The following ANKS1B variants were observed in gnomAD, a reference collection of about 807,000 sequenced individuals.
The protein encoded by ANKS1B is ankyrin repeat and sterile alpha motif domain containing 1B.
In ANKS1B, 36 loss-of-function variants were observed where a neutral mutation model predicts 148.3. The observed-to-expected ratio is 0.24, with a 90% CI of 0.19 to 0.32. ANKS1B has a LOEUF of 0.32. Ranked by LOEUF, ANKS1B falls within the 10% of genes least tolerant of loss-of-function variation. The pLI, the probability that ANKS1B is intolerant of heterozygous loss-of-function variation, is 1.00. For synonymous variants in ANKS1B, 542 were observed against 560.8 expected (o/e 0.97, Z 0.47); for missense variants, 1,157 against 1,542.6 (o/e 0.75, Z 4.19).
At chr12:99,724,558 T>A (rs1206473279) in intron 8 of ANKS1B, among the ~76,000 whole-genome samples, 1 of 151,722 alleles carries the variant, frequency 6.6e-6, no homozygotes. Context: ...ACAGAGAAAA[T>A]TGAACCAAGC....
At chr12:99,630,732 A>G (rs1362918129) in intron 9 of ANKS1B, among the ~76,000 whole-genome samples, 1 of 152,152 alleles carries the variant, frequency 6.6e-6, no homozygotes, top group Non-Finnish European at 1.5e-5. Flanking sequence ...CCTAGTGGGG[A>G]GTAACAGGAG....
At chr12:99,063,125 C>T (rs1250355376) in intron 16 of ANKS1B, among the ~76,000 whole-genome samples, 1 of 152,168 alleles carries the variant, frequency 6.6e-6, no homozygotes, top group Non-Finnish European at 1.5e-5. Context: ...CCTGATGTGC[C>T]AGGCTCAGCT....
At chr12:98,840,890 G>T (rs2153723488) in intron 17 of ANKS1B, among the ~76,000 whole-genome samples, 1 of 152,198 alleles carries the variant, frequency 6.6e-6, no homozygotes, top group African/African-American at 2.4e-5. Context: ...CCAATCATTG[G>T]GGTTATTGAA....
intron 9 of ANKS1B, among the ~76,000 whole-genome samples, chr12:99,555,227 T>C (rs975411116): frequency 5.9e-5 from 9 of 152,050 alleles, no homozygotes; most frequent in African/African-American, 9.7e-5. Context: ...CTGGGAGAAA[T>C]TGCCCAACTA....
chr12:99,853,767 A>C (rs537847514), intron 1 of ANKS1B, among the ~76,000 whole-genome samples: 1 of 152,336 alleles, frequency 6.6e-6, no homozygotes, highest in African/African-American at 2.4e-5. Context: ...TCAATTATTA[A>C]GGTAATTAAG....
Position 98,751,580 on chromosome 12 carries a change from A to G in ANKS1B, c.3580-58T>C, listed in dbSNP as rs2098091227. 1.3e-6 allele frequency: 2 copies of G among 1,549,708 alleles called. No individual in the cohort carries two copies. On this transcript the variant is annotated intron_variant, in intron 25 of 26. Coordinates refer to ENST00000683438, the MANE Select transcript of ANKS1B (RefSeq NM_001352186.2). This position sits in a 1 kb window ranked among gnomAD's most constrained non-coding sequence, Gnocchi z 4.3. The stretch of plus-strand genomic sequence containing the variant: ...GCACACTGCAAATTAGAATGGGTCG[A>G]ATGGCTGAGGAACACTGAGGGAGGT...
At chr12:99,071,415 C>T (rs565838923) in intron 16 of ANKS1B, among the ~76,000 whole-genome samples, 20 of 152,264 alleles carry the variant, frequency 1.3e-4, no homozygotes, top group East Asian at 9.7e-4. Flanking sequence ...TTCAAAATGG[C>T]GAATATGCTG....
At chr12:99,893,068 A>G (rs1240845217) in intron 1 of ANKS1B, among the ~76,000 whole-genome samples, 1 of 152,126 alleles carries the variant, frequency 6.6e-6, no homozygotes, top group African/African-American at 2.4e-5. Context: ...CTTCTGAGTC[A>G]TTAATTGGTA....
At chr12:99,472,811 G>C (rs1047221900) in intron 10 of ANKS1B, among the ~76,000 whole-genome samples, 1 of 152,018 alleles carries the variant, frequency 6.6e-6, no homozygotes, top group African/African-American at 2.4e-5. Context: ...CTTAAAATAA[G>C]ATATATATTT....
intron 10 of ANKS1B, among the ~76,000 whole-genome samples, chr12:99,447,891 C>G (rs927061000): frequency 1.6e-4 from 25 of 152,086 alleles, no homozygotes; most frequent in African/African-American, 6.0e-4. Flanking sequence ...CAAATCAGAA[C>G]TACAATGAAA....
chr12:99,439,649 A>C (rs950452396), intron 11 of ANKS1B, among the ~76,000 whole-genome samples: 1 of 151,708 alleles, frequency 6.6e-6, no homozygotes, highest in Non-Finnish European at 1.5e-5. Flanking sequence ...AAAAAGTTTA[A>C]AAGGCGAGAA....
At chr12:99,712,999 A>G (rs1199830596) in intron 8 of ANKS1B, among the ~76,000 whole-genome samples, 3 of 152,126 alleles carry the variant, frequency 2.0e-5, no homozygotes, top group African/African-American at 7.2e-5. Flanking sequence ...AACTTCTATC[A>G]TTTTGTTCTT....
intron 15 of ANKS1B, among the ~76,000 whole-genome samples, chr12:99,086,316 A>C (rs191753696): frequency 6.6e-6 from 1 of 152,298 alleles, no homozygotes; most frequent in East Asian, 1.9e-4. Flanking sequence ...ATTATGTGCA[A>C]AGACCTGTGA....
intron 15 of ANKS1B, among the ~76,000 whole-genome samples, chr12:99,130,422 C>T (rs2065768885): frequency 6.6e-6 from 1 of 152,094 alleles, no homozygotes; most frequent in South Asian, 2.1e-4. Context: ...AGGCTGAATT[C>T]ATCCTTATAA....
intron 8 of ANKS1B, among the ~76,000 whole-genome samples, chr12:99,730,983 C>T (rs2059086414): frequency 6.6e-6 from 1 of 152,152 alleles, no homozygotes; most frequent in African/African-American, 2.4e-5. Flanking sequence ...TTTGCCTAGG[C>T]TGGAGTGCAA....
intron 6 of ANKS1B, among the ~76,000 whole-genome samples, chr12:99,778,920 C>G (rs1285005005): frequency 6.6e-6 from 1 of 152,184 alleles, no homozygotes; most frequent in African/African-American, 2.4e-5. Flanking sequence ...TCTTCAGCTT[C>G]CCAACTGACA....
intron 1 of ANKS1B, among the ~76,000 whole-genome samples, chr12:99,893,047 C>A (rs2093195796): frequency 6.6e-6 from 1 of 152,084 alleles, no homozygotes; most frequent in Admixed American, 6.5e-5. Flanking sequence ...CTTTACAGAG[C>A]CCAACCTTTT....
Position 98,829,323 on chromosome 12 carries a change from A to C in ANKS1B, c.2917T>G (p.Leu973Val), listed in dbSNP as rs745612836. The C allele has an allele frequency of 4.3e-6, 7 of 1,613,866 alleles. No homozygotes were observed. Among genetic ancestry groups the C allele is most frequent in the Middle Eastern group, 1.6e-4 (1 of 6,084 alleles). Residue 973 changes from leucine (L) to valine (V), a missense_variant, in exon 19 of 27, where the codon TTG becomes GTG. By Grantham distance (32) the Leu-to-Val change is conservative. This residue lies in a region of ANKS1B where 258 missense variants were observed against 497.0 expected (regional missense o/e 0.52). Transcript: ENST00000683438. The surrounding 1 kb of genome is among the most constrained non-coding windows in gnomAD (Gnocchi z 5.2). Reference protein sequence around the residue: ...EPSGNHTPPQLSPSLSQSTYT... With the variant: ...EPSGNHTPPQVSPSLSQSTYT... ...GTGCTTTGGCTAAGTGATGGAGACA[A>C]CTGAGGAGGAGTGTGATTACCACTG...
chr12:99,573,973 C>T (rs1004219459), intron 9 of ANKS1B, among the ~76,000 whole-genome samples: 2 of 151,868 alleles, frequency 1.3e-5, no homozygotes, highest in Non-Finnish European at 2.9e-5. Context: ...TTCCAGTCTG[C>T]CTTTCAGATT....
Sources: allele counts gnomAD v4.1 joint callset (sites outside exome capture counted in the v4.1 genomes callset), GRCh38; gene constraint gnomAD v4.1.1; regional missense constraint gnomAD v4.1.1; non-coding constraint Gnocchi (gnomAD v3.1); transcripts MANE v1.5; gene names NCBI Gene and HGNC (gene_info 2026-07-23, HGNC 2026-07-21).